CCDC158: variants seen among roughly 807,000 people sequenced by gnomAD.
The protein encoded by CCDC158 is coiled-coil domain-containing protein 158.
A neutral mutation model predicts 138.6 loss-of-function variants in CCDC158; 116 were observed. That is an observed-to-expected ratio of 0.84 (90% CI 0.72 to 0.98). CCDC158 has a LOEUF of 0.98. Ranked by LOEUF, CCDC158 falls within the 50% of genes least tolerant of loss-of-function variation. CCDC158 has a pLI of 0.00. For synonymous variants in CCDC158, 436 were observed against 442.4 expected (o/e 0.99, Z 0.18); for missense variants, 1,265 against 1,306.1 (o/e 0.97, Z 0.48).
At position 76,396,350 on chromosome 4, in the gene CCDC158, T is replaced by C; in HGVS notation, c.207A>G (p.Pro69=). The part of the protein sequence containing the change: ...VELDSPRKII[P]SPGKEHFERV... ...GTTCAAAGTGTTCCTTTCCAGGAGA[T>C]GGGATGATTTTTCTAGGAGAATCAA... The change falls in exon 4 of 25, where the codon CCA becomes CCG. Residue 69 remains proline (P), a synonymous_variant. Coordinates refer to ENST00000682701, the MANE Select transcript of CCDC158 (RefSeq NM_001394954.1). The C allele has an allele frequency of 6.2e-7, 1 of 1,613,934 alleles. No homozygotes were observed. The highest frequency in any genetic ancestry group is 8.5e-7 in the Non-Finnish European group (1 of 1,179,908).
intron 24 of CCDC158, among the ~76,000 whole-genome samples, chr4:76,317,776 A>G (rs1424839556): frequency 6.6e-6 from 1 of 152,230 alleles, no homozygotes; most frequent in African/African-American, 2.4e-5. Flanking sequence ...AAGTCTCAAC[A>G]AATTTAAGAA....
intron 3 of CCDC158, among the ~76,000 whole-genome samples, chr4:76,398,393 G>A (rs1389685870): frequency 3.9e-5 from 6 of 152,154 alleles, no homozygotes; most frequent in South Asian, 4.1e-4. Context: ...TTGGCCGGGC[G>A]TGGTGGCTCA....
chr4:76,363,148 C>T (rs759389968), intron 12 of CCDC158, among the ~76,000 whole-genome samples: 15 of 152,114 alleles, frequency 9.9e-5, no homozygotes, highest in Non-Finnish European at 1.8e-4. Context: ...CTTCTGGGAA[C>T]GTGGAATCTG....
At chr4:76,362,040 C>T in intron 13 of CCDC158, 86 bp downstream of exon 13, 1 of 1,031,008 alleles carries the variant, frequency 9.7e-7, no homozygotes, top group Non-Finnish European at 1.4e-6. Context: ...GTGAGACACC[C>T]TTCTTTTGCA....
intron 18 of CCDC158, among the ~76,000 whole-genome samples, chr4:76,339,509 C>G (rs1343372816): frequency 6.6e-6 from 1 of 152,216 alleles, no homozygotes. Flanking sequence ...ATGTTAACAA[C>G]AAGGCAACAA....
intron 2 of CCDC158, among the ~76,000 whole-genome samples, chr4:76,409,909 C>T (rs1485700595): frequency 6.7e-6 from 1 of 149,042 alleles, no homozygotes; most frequent in Admixed American, 6.6e-5. Context: ...TGGAATGTTG[C>T]CAAAAAAAAA....
intron 1 of CCDC158, among the ~76,000 whole-genome samples, chr4:76,419,036 T>C (rs778409144): frequency 7.9e-5 from 12 of 152,202 alleles, no homozygotes; most frequent in Middle Eastern, 3.2e-3. Flanking sequence ...TCTGCAACTC[T>C]TACTTGATAT....
intron 9 of CCDC158, among the ~76,000 whole-genome samples, chr4:76,372,371 G>A (rs1318997992): frequency 6.6e-6 from 1 of 152,120 alleles, no homozygotes; most frequent in Non-Finnish European, 1.5e-5. Flanking sequence ...CTTGAGACTG[G>A]GTGGTTAAGG....
At position 76,362,442 on chromosome 4, in the gene CCDC158, T is replaced by A. The variant is rs1724240893; in HGVS notation, c.1831-127A>T. The A allele has an allele frequency of 5.2e-6, 3 of 574,148 alleles. No homozygotes were observed. The East Asian group carries it at 8.6e-5, about 16-fold the overall frequency. The allele number at this position is 574,148 out of a possible 1,614,324, so 35.6% of individuals were successfully genotyped here. A position where few individuals can be genotyped will look rare whatever the true frequency, so the allele number is the denominator to read the frequency against. On this transcript the variant is annotated intron_variant, in intron 12 of 24. Transcript: ENST00000682701. Reference sequence around the variant, plus strand: ...CTCCTACTTAATATCCTTTTCTGCCTCCTATCTGTATTCCATCTATATTTA... The same window carrying A: ...CTCCTACTTAATATCCTTTTCTGCCACCTATCTGTATTCCATCTATATTTA...
At chr4:76,403,897 A>G (rs1728607716) in intron 2 of CCDC158, among the ~76,000 whole-genome samples, 1 of 152,200 alleles carries the variant, frequency 6.6e-6, no homozygotes, top group Admixed American at 6.5e-5. Context: ...CTAGGGGTAC[A>G]GAAAATGGGA....
intron 4 of CCDC158, among the ~76,000 whole-genome samples, chr4:76,393,997 A>G (rs112214400): frequency 0.029 from 4,470 of 152,114 alleles, 219 homozygotes; most frequent in African/African-American, 0.1. Flanking sequence ...TGGCAAGGAT[A>G]TGGAGAAAAA....
At chr4:76,341,308 C>A (rs936119574) in intron 18 of CCDC158, among the ~76,000 whole-genome samples, 1 of 152,108 alleles carries the variant, frequency 6.6e-6, no homozygotes, top group Non-Finnish European at 1.5e-5. Flanking sequence ...AATGAAAAAG[C>A]TAAAAATAAC....
chr4:76,350,226 G>A (rs186644850), intron 18 of CCDC158, among the ~76,000 whole-genome samples: 14 of 152,242 alleles, frequency 9.2e-5, no homozygotes, highest in Admixed American at 7.2e-4. Flanking sequence ...ACTCTTTGTT[G>A]TATGATAGTT....
intron 18 of CCDC158, among the ~76,000 whole-genome samples, chr4:76,338,884 T>C (rs576921423): frequency 6.6e-6 from 1 of 152,238 alleles, no homozygotes; most frequent in African/African-American, 2.4e-5. Context: ...AAAGCTTCTT[T>C]GAAAAGGGGG....
intron 15 of CCDC158, among the ~76,000 whole-genome samples, chr4:76,354,308 T>C (rs1163120914): frequency 3.7e-5 from 5 of 135,406 alleles, no homozygotes. Context: ...GAAGAAAAAA[T>C]TGGAAAGAAG....
At chr4:76,373,930 G>A (rs990778593) in intron 9 of CCDC158, among the ~76,000 whole-genome samples, 4 of 152,054 alleles carry the variant, frequency 2.6e-5, no homozygotes, top group African/African-American at 4.8e-5. Flanking sequence ...GAGGTGGGAG[G>A]ATCACTTGAG....
chr4:76,350,931 T>C lies in CCDC158; in HGVS notation c.2664+65A>G, dbSNP rs550856447. The C allele has an allele frequency of 7.4e-6, 11 of 1,479,546 alleles. No homozygotes were observed. In the South Asian group the frequency reaches 1.4e-4, roughly 19 times the overall value. The allele number at this position is 1,479,546 out of a possible 1,614,324, so 91.7% of individuals were successfully genotyped here. On this transcript the variant is annotated intron_variant, in intron 18 of 24. Coordinates refer to ENST00000682701, the MANE Select transcript of CCDC158 (RefSeq NM_001394954.1). ...GAGATATTATTTTTTAACGTAATTC[T>C]TTCCAATTTAAAATTACTTACGCAT...
chr4:76,376,897 A>AT (rs904230223), intron 9 of CCDC158, among the ~76,000 whole-genome samples: 1 of 152,202 alleles, frequency 6.6e-6, no homozygotes, highest in African/African-American at 2.4e-5. Flanking sequence ...GCTCTTTACT[A>AT]TTTAAGACTG....
intron 18 of CCDC158, chr4:76,345,424 T>G: frequency 2.1e-6 from 2 of 940,648 alleles, no homozygotes; most frequent in Non-Finnish European, 3.5e-6. Context: ...TGCCTGAAAT[T>G]TGAACAGCTT....
Sources: gnomAD v4.1 joint callset for allele counts (sites outside exome capture counted in the v4.1 genomes callset) on GRCh38, gnomAD v4.1.1 for gene constraint, MANE v1.5 for transcripts, NCBI Gene and HGNC (gene_info 2026-07-23, HGNC 2026-07-21) for gene names.